Variants in GABBR2 observed in about 807,000 individuals in gnomAD.
GABBR2 encodes the protein G-protein coupled receptor 51.
Under a neutral mutation model 105.6 loss-of-function variants are expected in GABBR2, and 23 were observed. The observed-to-expected ratio is 0.22, with a 90% CI of 0.16 to 0.31. GABBR2 has a LOEUF of 0.31. Among genes scored for constraint, GABBR2 ranks in the 10% least tolerant of loss-of-function variants. The probability of loss-of-function intolerance (pLI) is 1.00; values close to 1 mark genes in which losing one functional copy is unlikely to be tolerated. For synonymous variants in GABBR2, 478 were observed against 499.7 expected (o/e 0.96, Z 0.58); for missense variants, 734 against 1,245.5 (o/e 0.59, Z 6.18).
chr9:98,648,306 A>T (rs1008933778), intron 1 of GABBR2, among the ~76,000 whole-genome samples: 1 of 151,254 alleles, frequency 6.6e-6, no homozygotes, highest in Non-Finnish European at 1.5e-5. Flanking sequence ...TAATTTTTGT[A>T]TTTTTTAGTA....
intron 4 of GABBR2, among the ~76,000 whole-genome samples, chr9:98,483,108 A>T (rs1826963125): frequency 6.6e-6 from 1 of 152,072 alleles, no homozygotes; most frequent in Admixed American, 6.6e-5. Flanking sequence ...TCCCAAGCTG[A>T]ATCCACCAGC....
In GABBR2 at chr9:98,326,454, G is replaced by A. The variant is rs1016642738; in HGVS notation, c.1894-15249C>T. On this transcript the variant is annotated intron_variant, in intron 13 of 18. Coordinates refer to ENST00000259455, the MANE Select transcript of GABBR2 (RefSeq NM_005458.8). ...GGCTGATGCCACCAACATCCCATCT[G>A]CTCATGCATATTCTCAGCTTTTTTA... Among the ~76,000 whole-genome samples, 8 of 152,226 alleles carry A rather than the reference G, an allele frequency of 5.3e-5. No individual in the cohort carries two copies. The East Asian group carries it at 9.6e-4, about 18-fold the overall frequency.
At chr9:98,498,184 A>G (rs1224827637) in intron 3 of GABBR2, among the ~76,000 whole-genome samples, 1 of 149,064 alleles carries the variant, frequency 6.7e-6, no homozygotes, top group Non-Finnish European at 1.5e-5. Context: ...GGTTAGTCAC[A>G]TTTATAGAGA....
chr9:98,429,158 GAGACAA>G, intron 7 of GABBR2, among the ~76,000 whole-genome samples: 2 of 150,652 alleles, frequency 1.3e-5, no homozygotes, highest in East Asian at 3.9e-4. Context: ...GTGTGTGTTT[GAGACAA>G]AGTGTTGCTC....
rs10156467 is a variant in GABBR2 at position 98,514,147 on chromosome 9, C to G, written c.631-17633G>C. On this transcript the variant is annotated intron_variant, in intron 3 of 18. Transcript: ENST00000259455. Reference sequence around the variant, plus strand: ...GAAATCATCATTCTCAGTAAACTATCGCAAGAACAAAAAACCAAACACCGC... The same window carrying G: ...GAAATCATCATTCTCAGTAAACTATGGCAAGAACAAAAAACCAAACACCGC... Among the ~76,000 whole-genome samples, 71 of 128,274 alleles carry G rather than the reference C, an allele frequency of 5.5e-4. 6 individuals are homozygous for G. The highest frequency in any genetic ancestry group is 1.9e-3 in the African/African-American group (71 of 37,002). The allele number at this position is 128,274 out of a possible 152,430, so 84.2% of individuals were successfully genotyped here. A position where few individuals can be genotyped will look rare whatever the true frequency, so the allele number is the denominator to read the frequency against.
At chr9:98,436,380 T>TAGATAGATAG (rs1288172302) in intron 7 of GABBR2, among the ~76,000 whole-genome samples, 2 of 53,516 alleles carry the variant, frequency 3.7e-5, no homozygotes, top group African/African-American at 2.2e-4. Context: ...TATATATATA[T>TAGATAGATAG]ATATATATAT....
chr9:98,359,653 T>A (rs1183960902), intron 13 of GABBR2, among the ~76,000 whole-genome samples: 2 of 152,142 alleles, frequency 1.3e-5, no homozygotes, highest in African/African-American at 2.4e-5. Flanking sequence ...TCGACAGTGA[T>A]CTGAAGTGAT....
intron 1 of GABBR2, chr9:98,607,070 T>C (rs1218059824): frequency 6.7e-7 from 1 of 1,489,550 alleles, no homozygotes; most frequent in Non-Finnish European, 9.3e-7. Flanking sequence ...GAAAATCAGT[T>C]AAGAGATCTG....
intron 4 of GABBR2, among the ~76,000 whole-genome samples, chr9:98,485,796 C>T (rs779666458): frequency 7.9e-5 from 12 of 152,140 alleles, no homozygotes; most frequent in Non-Finnish European, 1.6e-4. Context: ...GCTGGTACAC[C>T]CGCCCGGCTG....
chr9:98,683,915 G>A (rs1830583878), intron 1 of GABBR2, among the ~76,000 whole-genome samples: 1 of 150,370 alleles, frequency 6.7e-6, no homozygotes, highest in Non-Finnish European at 1.5e-5. Context: ...GGCTGAGGCA[G>A]GAGAATGACA....
At chr9:98,313,726 G>A (rs991217195) in intron 13 of GABBR2, among the ~76,000 whole-genome samples, 1 of 151,698 alleles carries the variant, frequency 6.6e-6, no homozygotes, top group African/African-American at 2.4e-5. Context: ...ACTCCTGAGG[G>A]TAAGGCATGG....
In GABBR2 at chr9:98,371,263, C is replaced by T. The variant is rs78336790; in HGVS notation, c.1770+201G>A. On this transcript the variant is annotated intron_variant, in intron 12 of 18. Transcript: ENST00000259455. The stretch of plus-strand genomic sequence containing the variant: ...TACCCCAGCACCCCCCACATGTCCC[C>T]AGCCAGCCCTGATAACTGTGTATTA... 0.044 allele frequency among the ~76,000 whole-genome samples: 6,642 copies of T among 152,262 alleles called. 476 individuals carry two copies. Among genetic ancestry groups the T allele is most frequent in the African/African-American group, 0.15 (6,264 of 41,518 alleles).
intron 3 of GABBR2, among the ~76,000 whole-genome samples, chr9:98,537,511 G>C (rs1017232547): frequency 2.0e-5 from 3 of 152,044 alleles, no homozygotes; most frequent in Non-Finnish European, 4.4e-5. Context: ...TGTGCAGTAG[G>C]GCAATCATAG....
intron 1 of GABBR2, among the ~76,000 whole-genome samples, chr9:98,649,587 C>T (rs993546214): frequency 3.3e-5 from 5 of 152,162 alleles, no homozygotes; most frequent in Admixed American, 6.5e-5. Flanking sequence ...AAGAAGAATG[C>T]GTTCCTCCTC....
intron 1 of GABBR2, among the ~76,000 whole-genome samples, chr9:98,684,196 T>G (rs1199596438): frequency 1.0e-4 from 2 of 19,858 alleles, no homozygotes; most frequent in Admixed American, 4.0e-4. Context: ...AAAAAAAAAA[T>G]TGGTTGTGGG....
At chr9:98,462,465 T>A (rs1324441435) in intron 6 of GABBR2, among the ~76,000 whole-genome samples, 1 of 151,896 alleles carries the variant, frequency 6.6e-6, no homozygotes, top group Non-Finnish European at 1.5e-5. Flanking sequence ...ACAGGCAGAG[T>A]ATCCAACAGG....
chr9:98,619,925 C>G (rs1829644626), intron 1 of GABBR2, among the ~76,000 whole-genome samples: 1 of 152,278 alleles, frequency 6.6e-6, no homozygotes, highest in South Asian at 2.1e-4. Context: ...CATATGAACC[C>G]CAGCTCACCA....
chr9:98,317,890 C>T (rs75039692), intron 13 of GABBR2, among the ~76,000 whole-genome samples: 34 of 152,288 alleles, frequency 2.2e-4, no homozygotes, highest in Non-Finnish European at 4.6e-4. Flanking sequence ...AAGGAAACTA[C>T]GGGCACTTGG....
intron 7 of GABBR2, among the ~76,000 whole-genome samples, chr9:98,446,444 T>C (rs1826131539): frequency 6.6e-6 from 1 of 152,244 alleles, no homozygotes; most frequent in South Asian, 2.1e-4. Flanking sequence ...ACATACACTG[T>C]GACCTGTTTT....
Sources: gnomAD v4.1 joint callset for allele counts (sites outside exome capture counted in the v4.1 genomes callset) on GRCh38, gnomAD v4.1.1 for gene constraint, MANE v1.5 for transcripts, NCBI Gene and HGNC (gene_info 2026-07-23, HGNC 2026-07-21) for gene names.